The following AFG2A variants were observed in gnomAD, a reference collection of about 807,000 sequenced individuals.
AFG2A encodes the protein ATPase family gene 2 protein homolog A.
chr4:123,004,323 C>T, the AFG2A span, among the ~76,000 whole-genome samples: 5 of 152,196 alleles, frequency 3.3e-5, no homozygotes, highest in African/African-American at 1.2e-4. Context: ...CACTGTCCTG[C>T]GCCCACTGTC....
chr4:122,925,417 A>G, the AFG2A span, among the ~76,000 whole-genome samples: 5 of 152,158 alleles, frequency 3.3e-5, no homozygotes, highest in Non-Finnish European at 5.9e-5. Context: ...CACTGCTGTC[A>G]GAGTAATGAC....
chr4:123,131,918 C>CATTCACAGTTAATA, the AFG2A span, among the ~76,000 whole-genome samples: 2 of 151,552 alleles, frequency 1.3e-5, no homozygotes. Context: ...ACAGCAGCTG[C>CATTCACAGTTAATA]ACCATTTTAT....
At chr4:123,124,127 T>C in the AFG2A span, among the ~76,000 whole-genome samples, 1 of 151,958 alleles carries the variant, frequency 6.6e-6, no homozygotes, top group Non-Finnish European at 1.5e-5. Context: ...ACCCAGCCAT[T>C]CCATTACTGG....
At chr4:123,074,139 G>A in the AFG2A span, among the ~76,000 whole-genome samples, 1 of 125,092 alleles carries the variant, frequency 8.0e-6, no homozygotes. Context: ...TGTTGCCCAG[G>A]CTGGAGTGCA....
chr4:123,169,416 T>C, the AFG2A span, among the ~76,000 whole-genome samples: 1 of 152,214 alleles, frequency 6.6e-6, no homozygotes, highest in Non-Finnish European at 1.5e-5. Context: ...TAGGAAGGAT[T>C]AGTCCGACGT....
the AFG2A span, among the ~76,000 whole-genome samples, chr4:123,190,092 G>A: frequency 1.3e-5 from 2 of 152,070 alleles, no homozygotes; most frequent in African/African-American, 4.8e-5. Context: ...GAGACACCAC[G>A]CCCAGCTTCA....
chr4:123,053,357 A>G, the AFG2A span, among the ~76,000 whole-genome samples: 1 of 152,226 alleles, frequency 6.6e-6, no homozygotes, highest in African/African-American at 2.4e-5. Context: ...CAGGGATCTG[A>G]GTCCAGAAGA....
the AFG2A span, among the ~76,000 whole-genome samples, chr4:123,297,071 C>A: frequency 6.6e-6 from 1 of 152,096 alleles, no homozygotes; most frequent in Non-Finnish European, 1.5e-5. Context: ...CAAACTGAAC[C>A]GCCCCAGATT....
the AFG2A span, among the ~76,000 whole-genome samples, chr4:123,038,100 T>C: frequency 6.6e-6 from 1 of 152,104 alleles, no homozygotes; most frequent in Non-Finnish European, 1.5e-5. Flanking sequence ...TTTGTGCCAA[T>C]GGTGGCCAAA....
At chr4:123,007,375 C>T in the AFG2A span, among the ~76,000 whole-genome samples, 1 of 151,540 alleles carries the variant, frequency 6.6e-6, no homozygotes, top group African/African-American at 2.4e-5. Context: ...AGGTGCTTTT[C>T]TTTGGTCTTG....
chr4:123,017,015 G>T, the AFG2A span, among the ~76,000 whole-genome samples: 1 of 151,018 alleles, frequency 6.6e-6, no homozygotes, highest in African/African-American at 2.4e-5. Context: ...GCAGGCCCTC[G>T]GCAGGCTGAG....
At chr4:123,064,830 G>T in the AFG2A span, among the ~76,000 whole-genome samples, 2 of 152,124 alleles carry the variant, frequency 1.3e-5, no homozygotes, top group Non-Finnish European at 2.9e-5. Context: ...TGAAACTTAG[G>T]GTCATTAGCT....
chr4:122,934,490 A>G, the AFG2A span: 10 of 1,614,136 alleles, frequency 6.2e-6, no homozygotes, highest in African/African-American at 2.7e-5. Flanking sequence ...AGAGAAGGAA[A>G]TGAGCAACTT....
chr4:123,236,343 G>C, the AFG2A span, among the ~76,000 whole-genome samples: 1 of 152,176 alleles, frequency 6.6e-6, no homozygotes, highest in Non-Finnish European at 1.5e-5. Context: ...TCATTTTCTA[G>C]GTTTGGCTTC....
chr4:123,068,312 G>A, the AFG2A span, among the ~76,000 whole-genome samples: 31 of 152,096 alleles, frequency 2.0e-4, no homozygotes, highest in Admixed American at 1.6e-3. Flanking sequence ...TCTCCAGCTA[G>A]CTTTCAATGA....
chr4:122,997,941 T>C, the AFG2A span, among the ~76,000 whole-genome samples: 8 of 152,166 alleles, frequency 5.3e-5, no homozygotes, highest in Non-Finnish European at 1.0e-4. Flanking sequence ...TTCTATTGCA[T>C]CTGCTTTAGG....
chr4:123,011,789 A>G, the AFG2A span, among the ~76,000 whole-genome samples: 1 of 152,164 alleles, frequency 6.6e-6, no homozygotes, highest in Admixed American at 6.5e-5. Flanking sequence ...AAGGTTGCCT[A>G]TAGTGAAGGA....
chr4:123,106,197 T>C, the AFG2A span, among the ~76,000 whole-genome samples: 1 of 152,346 alleles, frequency 6.6e-6, no homozygotes, highest in East Asian at 1.9e-4. Flanking sequence ...GCTTAGATAA[T>C]CATTTGCATT....
At chr4:123,248,313 T>G in the AFG2A span, among the ~76,000 whole-genome samples, 2 of 152,182 alleles carry the variant, frequency 1.3e-5, no homozygotes, top group Non-Finnish European at 2.9e-5. Context: ...TACATACTAC[T>G]GCTTATTTTA....
Sources: gnomAD v4.1 joint callset for allele counts (sites outside exome capture counted in the v4.1 genomes callset) on GRCh38, gnomAD v4.1.1 for gene constraint, MANE v1.5 for transcripts, NCBI Gene and HGNC (gene_info 2026-07-23, HGNC 2026-07-21) for gene names.